SETDB2: variants seen among roughly 807,000 people sequenced by gnomAD.
The protein encoded by SETDB2 is histone-lysine N-methyltransferase SETDB2.
SETDB2 carries 56 observed loss-of-function variants against 82.5 expected under a neutral mutation model. The ratio of observed to expected loss-of-function variants is 0.68; its 90% CI spans 0.55 to 0.85. The LOEUF is 0.85. Among genes scored for constraint, SETDB2 ranks in the 40% least tolerant of loss-of-function variants. The pLI is 0.00. For missense variants in SETDB2, 677 were observed against 816.4 expected, an observed-to-expected ratio of 0.83 and a Z score of 2.08; for synonymous variants, 272 against 284.9, an observed-to-expected ratio of 0.95 and a Z score of 0.46.
At chr13:49,489,754 C>G (rs1453583403) in intron 12 of SETDB2, among the ~76,000 whole-genome samples, 1 of 150,828 alleles carries the variant, frequency 6.6e-6, no homozygotes, top group African/African-American at 2.4e-5. Context: ...CACCACCATG[C>G]CTGGCTAATT....
chr13:49,451,772 A>AT lies in SETDB2; in HGVS notation c.-118dup. ...CAGGTTTAGAATGGTATAATGATGT[A>AT]TTTTGTCTGAGGACTGCAAATTTTA... is the stretch of plus-strand genomic sequence containing the variant. On this transcript the variant is annotated 5_prime_UTR_variant, in exon 2 of 14. An upstream open reading frame in the 5' UTR loses its in-frame stop. Transcript: ENST00000611815. The AT allele has an allele frequency of 1.6e-6, 1 of 627,238 alleles. No homozygotes were observed. Among genetic ancestry groups the AT allele is most frequent in the Non-Finnish European group, 2.7e-6 (1 of 366,642 alleles). 38.9% of individuals were successfully genotyped at this position (627,238 alleles called of 1,614,324 possible).
chr13:49,482,080 A>G (rs908002950), intron 8 of SETDB2: 6 of 985,288 alleles, frequency 6.1e-6, no homozygotes, highest in African/African-American at 1.7e-5. Flanking sequence ...ATACTTCTCA[A>G]AATAACTCTT....
chr13:49,494,747 A>G lies in SETDB2; in HGVS notation c.*2898A>G, dbSNP rs1397264368. 1 of 152,092 alleles carries G rather than the reference A, an allele frequency of 6.6e-6. No homozygotes were observed. The highest frequency in any genetic ancestry group is 1.5e-5 in the Non-Finnish European group (1 of 68,008). 9.4% of individuals were successfully genotyped at this position (152,092 alleles called of 1,614,324 possible). ...ATTTCATAGTTGTCAAGACTATACA[A>G]ATTGTCCTTTTTAATGTTCTCTCTT... is the stretch of plus-strand genomic sequence containing the variant. On this transcript the variant is annotated 3_prime_UTR_variant, in exon 14 of 14. Coordinates refer to ENST00000611815, the MANE Select transcript of SETDB2 (RefSeq NM_001160308.3).
chr13:49,481,648 G>A (rs1958479211), intron 8 of SETDB2, among the ~76,000 whole-genome samples: 1 of 152,240 alleles, frequency 6.6e-6, no homozygotes, highest in Admixed American at 6.5e-5. Flanking sequence ...CGAGCAGTGT[G>A]TTACAGTCAT....
chr13:49,492,525 A>G lies in SETDB2; in HGVS notation c.*676A>G, dbSNP rs1958732543. On this transcript the variant is annotated 3_prime_UTR_variant, in exon 14 of 14. Coordinates refer to ENST00000611815, the MANE Select transcript of SETDB2 (RefSeq NM_001160308.3). ...CTCTTTCTATACAAACAGATAGGAG[A>G]AGAGGGAATAGAAACCTGGAGGAAC... 6.6e-6 allele frequency: 1 copy of G among 152,220 alleles called. No individual in the cohort carries two copies. Among genetic ancestry groups the G allele is most frequent in the Non-Finnish European group, 1.5e-5 (1 of 68,090 alleles). The allele number at this position is 152,220 out of a possible 1,614,324, so 9.4% of individuals were successfully genotyped here.
chr13:49,462,232 A>AG (rs1958009838), intron 4 of SETDB2, among the ~76,000 whole-genome samples: 1 of 152,222 alleles, frequency 6.6e-6, no homozygotes, highest in African/African-American at 2.4e-5. Flanking sequence ...TGGAAAGAGT[A>AG]GGGATGAAAG....
chr13:49,457,567 G>A (rs1957913263), intron 2 of SETDB2, among the ~76,000 whole-genome samples: 1 of 151,212 alleles, frequency 6.6e-6, no homozygotes, highest in Non-Finnish European at 1.5e-5. Flanking sequence ...CCGAGTAGCT[G>A]GGACCACATG....
chr13:49,451,484 TATATA>T (rs1293563562), intron 1 of SETDB2, 64 bp from the exon 2 acceptor site: 1 of 114,672 alleles, frequency 8.7e-6, no homozygotes, highest in African/African-American at 4.5e-5. Context: ...TATACATATA[TATATA>T]TATATATATA....
rs747729249 is a variant in SETDB2 at position 49,467,876 on chromosome 13, T to C, written c.221T>C (p.Val74Ala). The C allele has an allele frequency of 1.9e-5, 30 of 1,597,474 alleles. No homozygotes were observed. The Admixed American group carries it at 5.0e-4, about 26-fold the overall frequency. ...TTTTTTTGTGTAGATCCTATGCCTG[T>C]GACTCAGAAGGAACAGGAAAACAAA... ...SSTSIKDPMPVTQKEQENKSN... is the reference protein window; with the variant it reads ...SSTSIKDPMPATQKEQENKSN... The change falls in exon 5 of 14, where the codon GTG becomes GCG. Residue 74 changes from valine (V) to alanine (A), a missense_variant. Physicochemically the swap from Val to Ala is moderately conservative, Grantham distance 64. Around this residue, in one of 3 missense-constraint regions of SETDB2, gnomAD observed 243 missense variants for 237.2 expected, o/e 1.02. Coordinates refer to ENST00000611815, the MANE Select transcript of SETDB2 (RefSeq NM_001160308.3).
At chr13:49,463,200 AG>A (rs1958032126) in intron 4 of SETDB2, among the ~76,000 whole-genome samples, 3 of 151,386 alleles carry the variant, frequency 2.0e-5, no homozygotes, top group Non-Finnish European at 4.4e-5. Context: ...TAGTAGAGAG[AG>A]GGTTTCACCA....
At chr13:49,445,442 G>C (rs1263165821) in intron 1 of SETDB2, 1 of 152,082 alleles carries the variant, frequency 6.6e-6, no homozygotes, top group Non-Finnish European at 1.5e-5. Context: ...AAGTGAGAAG[G>C]GGAAAAAAGT....
At chr13:49,481,266 A>C in intron 8 of SETDB2, 150 bp downstream of exon 8, 1 of 653,088 alleles carries the variant, frequency 1.5e-6, no homozygotes, top group Non-Finnish European at 2.5e-6. Context: ...GTAAACTGGG[A>C]ACTTGAGCAC....
chr13:49,467,267 T>C (rs1958134325), intron 4 of SETDB2, among the ~76,000 whole-genome samples: 1 of 151,990 alleles, frequency 6.6e-6, no homozygotes, highest in Admixed American at 6.6e-5. Flanking sequence ...TGGTTTTGCA[T>C]GCCTGTAATC....
chr13:49,492,571 TAG>T lies in SETDB2; in HGVS notation c.*726_*727del, dbSNP rs2139007832. On this transcript the variant is annotated 3_prime_UTR_variant, in exon 14 of 14. Transcript: ENST00000611815. The stretch of plus-strand genomic sequence containing the variant: ...GGAACTTGAATATTTTTGTTCTAGA[TAG>T]AGATACAGTTACTGAAAAGGAAACC... 6.6e-6 allele frequency: 1 copy of T among 152,310 alleles called. No homozygotes were observed. The highest frequency in any genetic ancestry group is 2.1e-4 in the South Asian group (1 of 4,828). 9.4% of individuals were successfully genotyped at this position (152,310 alleles called of 1,614,324 possible). A position where few individuals can be genotyped will look rare whatever the true frequency, so the allele number is the denominator to read the frequency against.
intron 4 of SETDB2, among the ~76,000 whole-genome samples, chr13:49,463,678 A>G (rs1328276661): frequency 6.6e-6 from 1 of 152,232 alleles, no homozygotes; most frequent in Non-Finnish European, 1.5e-5. Context: ...TGTGGTGCCC[A>G]GGTGGCCATA....
intron 13 of SETDB2, 23 bp from the exon 14 acceptor site, chr13:49,491,706 ATTC>A: frequency 6.6e-7 from 1 of 1,522,338 alleles, no homozygotes; most frequent in Non-Finnish European, 9.1e-7. Context: ...GTATTTTATG[ATTC>A]TTTTCAAATT....
chr13:49,460,086 A>G (rs1321928304), intron 2 of SETDB2, 21 bp from the exon 3 acceptor site: 2 of 1,604,456 alleles, frequency 1.2e-6, no homozygotes. Flanking sequence ...CTCTTAGGCT[A>G]GTCACTTATT....
rs559427701 is a variant in SETDB2, at chr13:49,492,966, C to G, written c.*1117C>G. 1.4e-5 allele frequency: 1 copy of G among 74,060 alleles called. No homozygotes were observed. Among genetic ancestry groups the G allele is most frequent in the Admixed American group, 1.5e-4 (1 of 6,624 alleles). The allele number at this position is 74,060 out of a possible 1,614,324, so 4.6% of individuals were successfully genotyped here. A position where few individuals can be genotyped will look rare whatever the true frequency, so the allele number is the denominator to read the frequency against. On this transcript the variant is annotated 3_prime_UTR_variant, in exon 14 of 14. Coordinates refer to ENST00000611815, the MANE Select transcript of SETDB2 (RefSeq NM_001160308.3). The stretch of plus-strand genomic sequence containing the variant: ...GAGCAAGACTCTCTCTCAAAAAAAA[C>G]AGCACACACACACACACACGAAAAC...
Position 49,481,037 on chromosome 13 carries a change from G to T in SETDB2, c.1077G>T (p.Val359=), listed in dbSNP as rs757581138. The change falls in exon 8 of 14, where the codon GTG becomes GTT. Residue 359 remains valine, a synonymous_variant. Coordinates refer to ENST00000611815, the MANE Select transcript of SETDB2 (RefSeq NM_001160308.3). ...VQHGPQVRLQ[V]FKTEQKGWGV... is the part of the protein sequence containing the mutation. Reference sequence around the variant, plus strand: ...ATGGTCCTCAAGTGAGGTTACAGGTGTTCAAAACTGAGCAGAAGGGATGGG... The same window carrying T: ...ATGGTCCTCAAGTGAGGTTACAGGTTTTCAAAACTGAGCAGAAGGGATGGG... The T allele has an allele frequency of 1.2e-6, 2 of 1,614,190 alleles. No individual in the cohort carries two copies. Among genetic ancestry groups the T allele is most frequent in the Non-Finnish European group, 1.7e-6 (2 of 1,180,012 alleles).
Sources: allele counts gnomAD v4.1 joint callset (sites outside exome capture counted in the v4.1 genomes callset), GRCh38; gene constraint gnomAD v4.1.1; regional missense constraint gnomAD v4.1.1; transcripts MANE v1.5; gene names NCBI Gene and HGNC (gene_info 2026-07-23, HGNC 2026-07-21).